Variants in GC observed in about 807,000 individuals in gnomAD.
The protein encoded by GC is vitamin D-binding protein.
A neutral mutation model predicts 56.7 loss-of-function variants in GC; 43 were observed. That is an observed-to-expected ratio of 0.76 (90% CI 0.59 to 0.98). The LOEUF (loss-of-function observed/expected upper bound fraction) is 0.98. Among genes scored for constraint, GC ranks in the 50% least tolerant of loss-of-function variants. The pLI, the probability that GC is intolerant of heterozygous loss-of-function variation, is 0.00. For missense variants in GC, 529 were observed against 545.9 expected, an observed-to-expected ratio of 0.97 and a Z score of 0.31; for synonymous variants, 216 against 202.7, an observed-to-expected ratio of 1.07 and a Z score of -0.56.
At chr4:71,770,660 G>A (rs1380856292) in intron 1 of GC, among the ~76,000 whole-genome samples, 1 of 152,160 alleles carries the variant, frequency 6.6e-6, no homozygotes. Context: ...GCAGCCTAGA[G>A]CGTAGGAGGA....
chr4:71,792,032 A>G (rs1742981737), intron 1 of GC, among the ~76,000 whole-genome samples: 3 of 152,282 alleles, frequency 2.0e-5, no homozygotes, highest in South Asian at 2.1e-4. Flanking sequence ...TCCATGGTGT[A>G]TGTGTGCCAC....
intron 1 of GC, among the ~76,000 whole-genome samples, chr4:71,773,841 C>T (rs148245662): frequency 7.0e-4 from 106 of 152,102 alleles, no homozygotes; most frequent in African/African-American, 2.5e-3. Flanking sequence ...ATTTCTTTGG[C>T]ATTTTTATTT....
chr4:71,786,743 A>T (rs1427689114), upstream of GC, among the ~76,000 whole-genome samples: 1 of 151,868 alleles, frequency 6.6e-6, no homozygotes, highest in Non-Finnish European at 1.5e-5. Context: ...AAAAGATAAC[A>T]CTGACAACTG....
intron 1 of GC, 76 bp from the exon 2 acceptor site, chr4:71,769,476 G>A: frequency 1.1e-6 from 1 of 929,260 alleles, no homozygotes; most frequent in Middle Eastern, 2.4e-4. Context: ...TGTATAAAGT[G>A]ATCTTCCACG....
intron 2 of GC, 62 bp downstream of exon 2, chr4:71,769,269 C>G (rs1216935925): frequency 6.6e-6 from 8 of 1,221,230 alleles, no homozygotes; most frequent in Non-Finnish European, 9.7e-6. Context: ...TCAAAGTTAC[C>G]TCACACTCAG....
chr4:71,783,643 A>G (rs2149306937), intron 1 of GC, among the ~76,000 whole-genome samples: 1 of 151,904 alleles, frequency 6.6e-6, no homozygotes, highest in South Asian at 2.1e-4. Context: ...ATTATCTTGT[A>G]ACAATTAGCA....
chr4:71,744,470 A>AG (rs1741294227), intron 12 of GC, among the ~76,000 whole-genome samples: 3 of 151,100 alleles, frequency 2.0e-5, no homozygotes. Flanking sequence ...AAAAAAAAAA[A>AG]AAAAAAAAAG....
At position 71,763,884 on chromosome 4, in the gene GC, C is replaced by T; in HGVS notation, c.526G>A (p.Val176Ile). The change falls in exon 5 of 13, where the codon GTC (valine) becomes ATC (isoleucine). Residue 176 changes from valine to isoleucine, a missense_variant. By Grantham distance (29) the Val-to-Ile change is conservative. Transcript: ENST00000273951. ...GAAAGATAACTCTTGGTGTAACTGA[C>T]TAAAAGTGACAGAGGAGCTTGTCCG... The part of the protein sequence containing the change: ...NYGQAPLSLL[V>I]SYTKSYLSMV... The T allele has an allele frequency of 6.2e-7, 1 of 1,610,242 alleles. No individual in the cohort carries two copies. The highest frequency in any genetic ancestry group is 1.3e-5 in the African/African-American group (1 of 74,964).
intron 1 of GC, among the ~76,000 whole-genome samples, chr4:71,797,488 T>C (rs1385272511): frequency 6.6e-6 from 1 of 152,258 alleles, no homozygotes; most frequent in Non-Finnish European, 1.5e-5. Flanking sequence ...GCATGGGACC[T>C]GCCGAGCCAG....
chr4:71,776,175 T>C (rs987583254), intron 1 of GC, among the ~76,000 whole-genome samples: 1 of 151,862 alleles, frequency 6.6e-6, no homozygotes, highest in Non-Finnish European at 1.5e-5. Context: ...AAATATAAAT[T>C]AACAGGTTGA....
At chr4:71,772,508 T>C (rs1243964989) in intron 1 of GC, among the ~76,000 whole-genome samples, 1 of 152,184 alleles carries the variant, frequency 6.6e-6, no homozygotes, top group African/African-American at 2.4e-5. Context: ...AGTGTGCATG[T>C]GAAGGTAGTG....
At chr4:71,781,888 C>T (rs1742692229) in intron 1 of GC, among the ~76,000 whole-genome samples, 1 of 151,666 alleles carries the variant, frequency 6.6e-6, no homozygotes, top group African/African-American at 2.4e-5. Context: ...AGTAAAGGGT[C>T]ATCTGTAACA....
intron 1 of GC, among the ~76,000 whole-genome samples, chr4:71,770,190 C>A (rs977462764): frequency 3.9e-5 from 6 of 152,096 alleles, no homozygotes; most frequent in Admixed American, 1.3e-4. Context: ...GATGGGCTTG[C>A]TAAGTGGCCT....
At chr4:71,774,899 C>G (rs897097336) in intron 1 of GC, among the ~76,000 whole-genome samples, 24 of 151,834 alleles carry the variant, frequency 1.6e-4, no homozygotes, top group Non-Finnish European at 2.2e-4. Flanking sequence ...GAGAATTACT[C>G]TATTGAAATT....
chr4:71,754,811 C>A (rs1741669416), intron 9 of GC, among the ~76,000 whole-genome samples, 167 bp downstream of exon 9: 1 of 152,164 alleles, frequency 6.6e-6, no homozygotes, highest in Admixed American at 6.5e-5. Flanking sequence ...TCATGAGATA[C>A]TGATGTTCTT....
intron 1 of GC, among the ~76,000 whole-genome samples, chr4:71,770,267 A>T (rs952024866): frequency 6.6e-6 from 1 of 152,144 alleles, no homozygotes; most frequent in Admixed American, 6.6e-5. Context: ...TAGCTCAAGC[A>T]AGAGAGCGAG....
At chr4:71,780,876 T>C (rs222030) in intron 1 of GC, among the ~76,000 whole-genome samples, 149,014 of 152,250 alleles carry the variant, frequency 0.98, 72,994 homozygotes, top group East Asian at 1. Context: ...TCAGCCATCT[T>C]ATTACTGGGT....
At chr4:71,802,868 A>C (rs1008453854) in intron 1 of GC, among the ~76,000 whole-genome samples, 4 of 152,202 alleles carry the variant, frequency 2.6e-5, no homozygotes, top group Admixed American at 6.5e-5. Flanking sequence ...CTTTGGACTT[A>C]ATGATATAAT....
chr4:71,797,462 G>A (rs1390566532), intron 1 of GC, among the ~76,000 whole-genome samples: 1 of 152,244 alleles, frequency 6.6e-6, no homozygotes. Context: ...CGCTAGCAGT[G>A]AGCAAGGCTC....
Sources: allele counts gnomAD v4.1 joint callset (sites outside exome capture counted in the v4.1 genomes callset), GRCh38; gene constraint gnomAD v4.1.1; transcripts MANE v1.5; gene names NCBI Gene and HGNC (gene_info 2026-07-23, HGNC 2026-07-21).